The following LPIN1 variants were observed in gnomAD, a reference collection of about 807,000 sequenced individuals.
LPIN1 encodes phosphatidate phosphatase LPIN1.
LPIN1 carries 71 observed loss-of-function variants against 107.5 expected under a neutral mutation model. The ratio of observed to expected loss-of-function variants is 0.66; its 90% CI spans 0.55 to 0.80. The LOEUF is 0.80. Among genes scored for constraint, LPIN1 ranks in the 30% least tolerant of loss-of-function variants. The probability of loss-of-function intolerance (pLI) is 0.00; values close to 1 mark genes in which losing one functional copy is unlikely to be tolerated. For synonymous variants in LPIN1, 445 were observed against 452.6 expected, an observed-to-expected ratio of 0.98 and a Z score of 0.21; for missense variants, 1,043 against 1,160.6, an observed-to-expected ratio of 0.90 and a Z score of 1.47.
chr2:11,809,896 C>T (rs554521345), intron 17 of LPIN1, among the ~76,000 whole-genome samples: 1 of 152,286 alleles, frequency 6.6e-6, no homozygotes, highest in Non-Finnish European at 1.5e-5. Context: ...ATTAGCTCAC[C>T]CTGGGCCCTG....
At chr2:11,798,836 T>G (rs1488994123) in intron 14 of LPIN1, among the ~76,000 whole-genome samples, 3 of 151,038 alleles carry the variant, frequency 2.0e-5, no homozygotes, top group Admixed American at 2.0e-4. Flanking sequence ...GACAGAATAG[T>G]CCCCGAAGTC....
At chr2:11,817,105 T>C (rs1292431978) in intron 18 of LPIN1, 1 of 152,246 alleles carries the variant, frequency 6.6e-6, no homozygotes, top group Non-Finnish European at 1.5e-5. Context: ...CTCATTCTTT[T>C]TTATGGCTGC....
At chr2:11,804,285 A>G in intron 15 of LPIN1, 138 bp from the exon 16 acceptor site, 3 of 916,074 alleles carry the variant, frequency 3.3e-6, no homozygotes, top group South Asian at 1.4e-5. Flanking sequence ...GGGTGGGGAA[A>G]GAAAGAATTA....
intron 17 of LPIN1, among the ~76,000 whole-genome samples, chr2:11,813,056 G>C (rs1207497150): frequency 1.3e-5 from 2 of 152,134 alleles, no homozygotes; most frequent in East Asian, 3.9e-4. Flanking sequence ...TGCAACAGGG[G>C]CCCCCGAGGA....
chr2:11,796,984 C>T (rs893699996), intron 14 of LPIN1, among the ~76,000 whole-genome samples: 7 of 152,178 alleles, frequency 4.6e-5, no homozygotes, highest in Non-Finnish European at 7.3e-5. Flanking sequence ...ACCGTCAGTG[C>T]CCAGACAGGC....
At chr2:11,681,899 G>A (rs1661733617) in intron 1 of LPIN1, among the ~76,000 whole-genome samples, 1 of 152,212 alleles carries the variant, frequency 6.6e-6, no homozygotes. Flanking sequence ...TTTCTACAGG[G>A]ACCTTTGGAG....
intron 18 of LPIN1, chr2:11,818,093 G>A (rs996952789): frequency 2.0e-5 from 3 of 152,238 alleles, no homozygotes; most frequent in Non-Finnish European, 4.4e-5. Context: ...CAAGGCCATA[G>A]TGTCCCAGCT....
intron 1 of LPIN1, among the ~76,000 whole-genome samples, chr2:11,759,136 T>TCTTTCTTC (rs1669155286): frequency 2.5e-5 from 1 of 40,100 alleles, no homozygotes; most frequent in Non-Finnish European, 5.3e-5. Flanking sequence ...TTCTTTCTTT[T>TCTTTCTTC]CTTTCTTTCT....
At chr2:11,758,757 G>A (rs1287532166) in intron 1 of LPIN1, among the ~76,000 whole-genome samples, 1 of 152,220 alleles carries the variant, frequency 6.6e-6, no homozygotes, top group African/African-American at 2.4e-5. Flanking sequence ...GATTCTTTGC[G>A]GTAGGAAAAT....
rs10167619 is a variant in LPIN1 at position 11,697,252 on chromosome 2, C to A, written c.82-16504C>A. On this transcript the variant is annotated intron_variant, in intron 1 of 21. Coordinates refer to the LPIN1 transcript ENST00000449576. This position sits in a 1 kb window ranked among gnomAD's most constrained non-coding sequence, Gnocchi z 4.6. ...CGTGCTCCCCCTGATCAGCCCCCAGCTGCTTCTGGATACAACCGCACTACC... is the reference window on the plus strand; with the variant it reads ...CGTGCTCCCCCTGATCAGCCCCCAGATGCTTCTGGATACAACCGCACTACC... 0.12 allele frequency among the ~76,000 whole-genome samples: 18,424 copies of A among 152,278 alleles called. 1,265 individuals are homozygous for A. Among genetic ancestry groups the A allele is most frequent in the East Asian group, 0.31 (1,593 of 5,158 alleles).
intron 9 of LPIN1, chr2:11,784,335 G>A (rs1674107649): frequency 1.4e-6 from 1 of 734,408 alleles, no homozygotes. Flanking sequence ...GTGTGAGAGA[G>A]AGGCAGTGGG....
chr2:11,694,746 T>C (rs1662485544), intron 1 of LPIN1, among the ~76,000 whole-genome samples: 1 of 152,228 alleles, frequency 6.6e-6, no homozygotes, highest in Non-Finnish European at 1.5e-5. Flanking sequence ...CTCTTCAGAT[T>C]GCATGCATCT....
chr2:11,700,088 C>G (rs1175490496), intron 1 of LPIN1, among the ~76,000 whole-genome samples: 1 of 152,206 alleles, frequency 6.6e-6, no homozygotes, highest in African/African-American at 2.4e-5. Flanking sequence ...GGCCATCTGT[C>G]TGCCTTGGTG....
At chr2:11,788,323 A>G in intron 11 of LPIN1, 64 bp from the exon 12 acceptor site, 1 of 1,266,798 alleles carries the variant, frequency 7.9e-7, no homozygotes, top group Admixed American at 1.7e-5. Context: ...ACTTTATATG[A>G]CATTGGAAAG....
chr2:11,679,468 A>G (rs1038612233), intron 1 of LPIN1, among the ~76,000 whole-genome samples: 1 of 152,244 alleles, frequency 6.6e-6, no homozygotes, highest in African/African-American at 2.4e-5. Flanking sequence ...AGGAAAGTTT[A>G]AATAACATAA....
intron 1 of LPIN1, among the ~76,000 whole-genome samples, chr2:11,761,076 T>C (rs540667782): frequency 6.6e-6 from 1 of 152,350 alleles, no homozygotes; most frequent in East Asian, 1.9e-4. Flanking sequence ...TCTGAAAGGC[T>C]GCATTCCTAC....
chr2:11,739,079 G>A (rs1334671666), intron 1 of LPIN1, among the ~76,000 whole-genome samples: 3 of 152,248 alleles, frequency 2.0e-5, no homozygotes, highest in Admixed American at 6.5e-5. Flanking sequence ...TGAAAGTGAC[G>A]ATGATGGTTT....
At chr2:11,794,575 T>C (rs746637585) in intron 13 of LPIN1, among the ~76,000 whole-genome samples, 7 of 152,236 alleles carry the variant, frequency 4.6e-5, no homozygotes, top group Non-Finnish European at 7.3e-5. Context: ...CAGCCTATTA[T>C]ATAGTTTGTA....
chr2:11,680,631 G>A (rs1036236733), intron 1 of LPIN1, among the ~76,000 whole-genome samples: 5 of 152,214 alleles, frequency 3.3e-5, no homozygotes, highest in Non-Finnish European at 7.3e-5. Context: ...AAACAGAGCT[G>A]ACGGGGGTGG....
Sources: gnomAD v4.1 joint callset for allele counts (sites outside exome capture counted in the v4.1 genomes callset) on GRCh38, gnomAD v4.1.1 for gene constraint, Gnocchi (gnomAD v3.1) non-coding constraint, MANE v1.5 for transcripts, NCBI Gene and HGNC (gene_info 2026-07-23, HGNC 2026-07-21) for gene names.